RPH3AL: variants seen among roughly 807,000 people sequenced by gnomAD.
The protein encoded by RPH3AL is rab effector Noc2.
A neutral mutation model predicts 43.1 loss-of-function variants in RPH3AL; 38 were observed. That is an observed-to-expected ratio of 0.88 (90% CI 0.68 to 1.15). The LOEUF is 1.15. Among genes scored for constraint, RPH3AL ranks in the 50% most tolerant of loss-of-function variants. The pLI, the probability that RPH3AL is intolerant of heterozygous loss-of-function variation, is 0.00. For missense variants in RPH3AL, 462 were observed against 423.2 expected (o/e 1.09, Z -0.81); for synonymous variants, 189 against 176.3 (o/e 1.07, Z -0.57).
chr17:313,747 C>G (rs1450805019), intron 5 of RPH3AL, among the ~76,000 whole-genome samples: 3 of 152,180 alleles, frequency 2.0e-5, no homozygotes, highest in Non-Finnish European at 2.9e-5. Context: ...GGACCCAGAA[C>G]AGGGCTTGCA....
At chr17:329,409 G>A (rs1393058407) in intron 2 of RPH3AL, among the ~76,000 whole-genome samples, 1 of 152,204 alleles carries the variant, frequency 6.6e-6, no homozygotes, top group Non-Finnish European at 1.5e-5. Context: ...CCTGGAGGTG[G>A]AGGTTGCAGT....
chr17:268,556 T>TTTG (rs1555548862), intron 6 of RPH3AL, among the ~76,000 whole-genome samples: 16 of 123,298 alleles, frequency 1.3e-4, no homozygotes, highest in African/African-American at 4.9e-4. Flanking sequence ...TTTTTGGGTT[T>TTTG]TTTTTTTTTT....
chr17:233,417 C>A (rs2041277563), intron 7 of RPH3AL, among the ~76,000 whole-genome samples: 1 of 152,176 alleles, frequency 6.6e-6, no homozygotes, highest in South Asian at 2.1e-4. Flanking sequence ...GCCCAGGAGT[C>A]CCCCAGGAAA....
In RPH3AL at chr17:272,950, C is replaced by CGCGGGTG. The variant is rs1567604213; in HGVS notation, c.438+8817_438+8818insCACCCGC. Among the ~76,000 whole-genome samples, 16 of 50,046 alleles carry CGCGGGTG rather than the reference C, an allele frequency of 3.2e-4. 1 individual carries two copies. Among genetic ancestry groups the CGCGGGTG allele is most frequent in the African/African-American group, 8.3e-4 (13 of 15,578 alleles). 32.8% of individuals were successfully genotyped at this position (50,046 alleles called of 152,430 possible). On this transcript the variant is annotated intron_variant, in intron 6 of 9. Transcript: ENST00000331302. ...GGGCGACATCAGGGAGAGACCCCAG[C>CGCGGGTG]AAGGGCTACGTCAGGGTGAGACCCC...
intron 5 of RPH3AL, among the ~76,000 whole-genome samples, chr17:282,439 A>G (rs1429144497): frequency 6.6e-6 from 1 of 152,148 alleles, no homozygotes; most frequent in African/African-American, 2.4e-5. Flanking sequence ...CATGGCAGCC[A>G]CGGATTCCGG....
At chr17:299,290 C>T (rs1410610288) in intron 5 of RPH3AL, among the ~76,000 whole-genome samples, 1 of 116,772 alleles carries the variant, frequency 8.6e-6, no homozygotes, top group Non-Finnish European at 1.9e-5. Context: ...GGTTCCTGGG[C>T]AGAAGGGTCT....
chr17:222,432 C>A lies in RPH3AL; in HGVS notation c.614-2696G>T, dbSNP rs115605125. On this transcript the variant is annotated intron_variant, in intron 7 of 9. Transcript: ENST00000331302. ...AACGCACAGTGCAGTCTCACAAATGCGGAAGGGAACCAGACGGATGGGGCT... is the reference window on the plus strand; with the variant it reads ...AACGCACAGTGCAGTCTCACAAATGAGGAAGGGAACCAGACGGATGGGGCT... Among the ~76,000 whole-genome samples, 984 of 152,196 alleles carry A rather than the reference C, an allele frequency of 6.5e-3. 10 individuals are homozygous for A. The highest frequency in any genetic ancestry group is 0.022 in the African/African-American group (920 of 41,510).
intron 3 of RPH3AL, among the ~76,000 whole-genome samples, chr17:326,494 G>T (rs1343047622): frequency 1.3e-5 from 2 of 152,184 alleles, no homozygotes; most frequent in Non-Finnish European, 2.9e-5. Context: ...GGCAGGCAAG[G>T]CATCTGAGAA....
At chr17:316,065 T>G (rs1281434619) in intron 5 of RPH3AL, among the ~76,000 whole-genome samples, 7 of 149,958 alleles carry the variant, frequency 4.7e-5, no homozygotes, top group Admixed American at 2.0e-4. Context: ...CCACCTCCAG[T>G]GATGTGTAGT....
At chr17:272,598 A>C (rs1430521597) in intron 6 of RPH3AL, among the ~76,000 whole-genome samples, 4 of 97,004 alleles carry the variant, frequency 4.1e-5, no homozygotes, top group Admixed American at 1.6e-4. Flanking sequence ...CACTCCAGGG[A>C]CTGTTGTGGG....
chr17:217,430 GTGC>G, intron 8 of RPH3AL, among the ~76,000 whole-genome samples: 1 of 35,296 alleles, frequency 2.8e-5, no homozygotes. Context: ...CCCTTCTTCT[GTGC>G]CAAAATTGGC....
chr17:247,304 C>G lies in RPH3AL; in HGVS notation c.439-19G>C, dbSNP rs1054250446. The G allele has an allele frequency of 4.5e-6, 7 of 1,546,202 alleles. No individual in the cohort carries two copies. The Admixed American group carries it at 5.8e-5, about 13-fold the overall frequency. ...TCCAGACCTGAGTGGGGGAAGAGAG[C>G]TGCTTGGGGCACAGGACGCAGAGGA... On this transcript the variant is annotated intron_variant, in intron 6 of 9. Coordinates refer to ENST00000331302, the MANE Select transcript of RPH3AL (RefSeq NM_006987.4).
intron 5 of RPH3AL, among the ~76,000 whole-genome samples, chr17:299,739 C>T (rs2043275030): frequency 1.3e-5 from 2 of 152,244 alleles, no homozygotes; most frequent in Admixed American, 6.5e-5. Context: ...CTGCAAATGT[C>T]ATTATCTGTT....
At chr17:306,367 G>A (rs2043487980) in intron 5 of RPH3AL, 1 of 152,252 alleles carries the variant, frequency 6.6e-6, no homozygotes, top group African/African-American at 2.4e-5. Flanking sequence ...AGCCGGTAAG[G>A]CCATCAGACC....
At chr17:257,078 T>C (rs2042066334) in intron 6 of RPH3AL, among the ~76,000 whole-genome samples, 1 of 53,026 alleles carries the variant, frequency 1.9e-5, no homozygotes, top group African/African-American at 5.9e-5. Context: ...TCTGTCCTTT[T>C]CCATCCCTAG....
At chr17:223,031 A>C (rs528046670) in intron 7 of RPH3AL, among the ~76,000 whole-genome samples, 79 of 152,206 alleles carry the variant, frequency 5.2e-4, no homozygotes, top group African/African-American at 1.8e-3. Context: ...CTCTACTAAA[A>C]ATACAAAAGT....
At chr17:269,416 C>T (rs2042408944) in intron 6 of RPH3AL, among the ~76,000 whole-genome samples, 1 of 152,234 alleles carries the variant, frequency 6.6e-6, no homozygotes, top group African/African-American at 2.4e-5. Context: ...GGAACGCAAG[C>T]TCCAGGCAAA....
At chr17:317,387 C>A (rs142757159) in intron 5 of RPH3AL, among the ~76,000 whole-genome samples, 9,161 of 146,934 alleles carry the variant, frequency 0.062, 710 homozygotes, top group African/African-American at 0.16. Flanking sequence ...GTCCCTGTGG[C>A]CCCACGTCCA....
intron 2 of RPH3AL, chr17:332,826 G>A (rs539684869): frequency 1.5e-4 from 57 of 368,928 alleles, no homozygotes; most frequent in East Asian, 6.0e-4. Context: ...CGACCCCGCC[G>A]GGCGACACAC....
Sources: gnomAD v4.1 joint callset for allele counts (sites outside exome capture counted in the v4.1 genomes callset) on GRCh38, gnomAD v4.1.1 for gene constraint, MANE v1.5 for transcripts, NCBI Gene and HGNC (gene_info 2026-07-23, HGNC 2026-07-21) for gene names.